Variants in TTC7B observed in about 807,000 individuals in gnomAD.
TTC7B encodes tetratricopeptide repeat domain 7B, also known as tetratricopeptide repeat protein 7B.
Under a neutral mutation model 106.8 loss-of-function variants are expected in TTC7B, and 28 were observed. That is an observed-to-expected ratio of 0.26 (90% confidence interval 0.19 to 0.36). The LOEUF is 0.36. TTC7B is among the 10% of genes least tolerant of loss of function. TTC7B has a pLI of 1.00. For missense variants in TTC7B, 862 were observed against 1,076.4 expected, an observed-to-expected ratio of 0.80 and a Z score of 2.79; for synonymous variants, 405 against 430.6, an observed-to-expected ratio of 0.94 and a Z score of 0.74.
At chr14:90,576,620 A>T (rs914317075) in intron 19 of TTC7B, among the ~76,000 whole-genome samples, 1 of 152,170 alleles carries the variant, frequency 6.6e-6, no homozygotes, top group African/African-American at 2.4e-5. Flanking sequence ...AATTCACCTA[A>T]ACACAACAAG....
rs1196479923 is a variant in TTC7B at position 90,671,516 on chromosome 14, GA to G, written c.1152+5006del. Among the ~76,000 whole-genome samples, 7 of 152,314 alleles carry G rather than the reference GA, an allele frequency of 4.6e-5. No individual in the cohort carries two copies. The East Asian group carries it at 1.2e-3, about 25-fold the overall frequency. Reference sequence around the variant, plus strand: ...CTCCTTAGCAGCTTGGGTTCATTCTGAAAAACAGAGGAAGCGGTGCTTGCTG... The same window carrying G: ...CTCCTTAGCAGCTTGGGTTCATTCTGAAAACAGAGGAAGCGGTGCTTGCTG... On this transcript the variant is annotated intron_variant, in intron 9 of 19. Coordinates refer to ENST00000328459, the MANE Select transcript of TTC7B (RefSeq NM_001010854.2).
intron 19 of TTC7B, among the ~76,000 whole-genome samples, chr14:90,574,544 G>A (rs1036812171): frequency 6.6e-6 from 1 of 152,176 alleles, no homozygotes; most frequent in African/African-American, 2.4e-5. Flanking sequence ...TTCCTCTGGG[G>A]TTGAATTTAC....
intron 15 of TTC7B, among the ~76,000 whole-genome samples, chr14:90,635,885 C>T (rs949494377): frequency 7.2e-5 from 11 of 151,786 alleles, no homozygotes; most frequent in Non-Finnish European, 1.2e-4. Flanking sequence ...TTTGGGAGGC[C>T]GAGGCAGGCA....
chr14:90,772,970 A>C (rs1487299024), intron 3 of TTC7B: 1 of 152,202 alleles, frequency 6.6e-6, no homozygotes, highest in African/African-American at 2.4e-5. Context: ...ATAAATAATA[A>C]ATTTTTTAAA....
intron 5 of TTC7B, among the ~76,000 whole-genome samples, chr14:90,702,325 A>G (rs538126085): frequency 1.3e-5 from 2 of 152,294 alleles, no homozygotes; most frequent in Non-Finnish European, 2.9e-5. Context: ...CACTGTTGTA[A>G]GAATTAAACT....
intron 5 of TTC7B, among the ~76,000 whole-genome samples, chr14:90,696,772 G>A (rs906410194): frequency 3.9e-5 from 6 of 152,194 alleles, no homozygotes; most frequent in Non-Finnish European, 7.3e-5. Flanking sequence ...TATCAGATCA[G>A]AAGCTTGATG....
At chr14:90,662,410 T>A (rs2139906463) in intron 9 of TTC7B, among the ~76,000 whole-genome samples, 1 of 152,364 alleles carries the variant, frequency 6.6e-6, no homozygotes, top group African/African-American at 2.4e-5. Flanking sequence ...GTTACTTTTC[T>A]GCTTAACAAG....
At position 90,570,980 on chromosome 14, in the gene TTC7B, G is replaced by A. The variant is rs1595168050; in HGVS notation, c.2310+7126C>T. On this transcript the variant is annotated intron_variant, in intron 19 of 19. Coordinates refer to ENST00000328459, the MANE Select transcript of TTC7B (RefSeq NM_001010854.2). This position sits in a 1 kb window ranked among gnomAD's most constrained non-coding sequence, Gnocchi z 4.0. ...CGTGCTCCCGATCTTTCCACCGCCTGTCACTGAAGCTCTGGGTTCCTAAGG... is the reference window on the plus strand; with the variant it reads ...CGTGCTCCCGATCTTTCCACCGCCTATCACTGAAGCTCTGGGTTCCTAAGG... 6.6e-6 allele frequency among the ~76,000 whole-genome samples: 1 copy of A among 152,198 alleles called. No individual in the cohort carries two copies. Among genetic ancestry groups the A allele is most frequent in the East Asian group, 1.9e-4 (1 of 5,202 alleles).
chr14:90,601,421 T>C (rs1892419109), intron 17 of TTC7B, among the ~76,000 whole-genome samples: 1 of 152,220 alleles, frequency 6.6e-6, no homozygotes, highest in South Asian at 2.1e-4. Flanking sequence ...CTGTCTTGAA[T>C]TCCTTTCTCA....
chr14:90,609,775 A>G (rs951593923), intron 17 of TTC7B, among the ~76,000 whole-genome samples: 1 of 152,238 alleles, frequency 6.6e-6, no homozygotes, highest in East Asian at 1.9e-4. Context: ...GAGCAAATTT[A>G]TATGTTTTGT....
chr14:90,667,534 C>T (rs1886460189), intron 9 of TTC7B, among the ~76,000 whole-genome samples: 1 of 152,176 alleles, frequency 6.6e-6, no homozygotes, highest in Non-Finnish European at 1.5e-5. Context: ...GCAAACAACC[C>T]CATTCTTCTC....
At chr14:90,734,632 A>C (rs1446457970) in intron 4 of TTC7B, among the ~76,000 whole-genome samples, 1 of 152,140 alleles carries the variant, frequency 6.6e-6, no homozygotes, top group Middle Eastern at 3.2e-3. Context: ...CTCAGGCATC[A>C]TCTCTTCCAG....
At chr14:90,774,077 T>G (rs1396013754) in intron 3 of TTC7B, among the ~76,000 whole-genome samples, 2 of 152,112 alleles carry the variant, frequency 1.3e-5, no homozygotes, top group Admixed American at 6.5e-5. Context: ...CTACCTCTGA[T>G]CCCCCTAATG....
intron 1 of TTC7B, among the ~76,000 whole-genome samples, chr14:90,791,708 G>A (rs1436814391): frequency 6.6e-6 from 1 of 152,040 alleles, no homozygotes; most frequent in Non-Finnish European, 1.5e-5. Flanking sequence ...CTGGACCTTG[G>A]CAGTGCTGAT....
At chr14:90,642,308 A>T (rs961938468) in intron 15 of TTC7B, among the ~76,000 whole-genome samples, 1 of 152,240 alleles carries the variant, frequency 6.6e-6, no homozygotes, top group Admixed American at 6.5e-5. Context: ...ACTTGAAGAC[A>T]AAGAAATGTT....
rs2030759556 is a variant in TTC7B at position 90,809,093 on chromosome 14, ATTC to A, written c.121+7079_121+7081del. On this transcript the variant is annotated intron_variant, in intron 1 of 19. Coordinates refer to ENST00000328459, the MANE Select transcript of TTC7B (RefSeq NM_001010854.2). The stretch of plus-strand genomic sequence containing the variant: ...CAGCCTGGTGATATAATCGAGTGAG[ATTC>A]TTCTTGTCTCTCTGCACCGCCACCC... 2.0e-5 allele frequency among the ~76,000 whole-genome samples: 3 copies of A among 152,202 alleles called. No individual in the cohort carries two copies. In the South Asian group the frequency reaches 6.2e-4, roughly 32 times the overall value.
chr14:90,714,673 T>C (rs1449046045), intron 5 of TTC7B, among the ~76,000 whole-genome samples: 3 of 152,006 alleles, frequency 2.0e-5, no homozygotes, highest in Non-Finnish European at 4.4e-5. Flanking sequence ...GCCAGGCTGG[T>C]CTTGAACTCC....
At chr14:90,586,239 TC>T (rs909719378) in intron 18 of TTC7B, among the ~76,000 whole-genome samples, 1 of 152,188 alleles carries the variant, frequency 6.6e-6, no homozygotes, top group African/African-American at 2.4e-5. Flanking sequence ...CCACTCCCCT[TC>T]AGATGCTGTG....
intron 4 of TTC7B, among the ~76,000 whole-genome samples, chr14:90,736,395 A>T (rs1294814065): frequency 6.6e-6 from 1 of 151,876 alleles, no homozygotes; most frequent in Non-Finnish European, 1.5e-5. Flanking sequence ...ACATGGTGAA[A>T]CTCCGTCTCT....
Sources: gnomAD v4.1 joint callset for allele counts (sites outside exome capture counted in the v4.1 genomes callset) on GRCh38, gnomAD v4.1.1 for gene constraint, Gnocchi (gnomAD v3.1) non-coding constraint, MANE v1.5 for transcripts, NCBI Gene and HGNC (gene_info 2026-07-23, HGNC 2026-07-21) for gene names.